The following SLC2A9 variants were observed in gnomAD, a reference collection of about 807,000 sequenced individuals.
SLC2A9 encodes the protein solute carrier family 2 member 9, also known as solute carrier family 2, facilitated glucose transporter member 9.
In SLC2A9, 39 loss-of-function variants were observed where a neutral mutation model predicts 50.6. That is an observed-to-expected ratio of 0.77 (90% CI 0.60 to 1.01). The LOEUF (loss-of-function observed/expected upper bound fraction) is 1.01. SLC2A9 is among the 50% of genes least tolerant of loss of function. The pLI, the probability that SLC2A9 is intolerant of heterozygous loss-of-function variation, is 0.00. For missense variants in SLC2A9, 686 were observed against 677.6 expected (o/e 1.01, Z -0.14); for synonymous variants, 324 against 276.9 (o/e 1.17, Z -1.69).
intron 7 of SLC2A9, among the ~76,000 whole-genome samples, chr4:9,912,244 A>G (rs1741975489): frequency 6.6e-6 from 1 of 152,176 alleles, no homozygotes; most frequent in African/African-American, 2.4e-5. Flanking sequence ...TACATATGTA[A>G]CAAACCTGCA....
chr4:9,831,891 G>A (rs937176648), intron 11 of SLC2A9, among the ~76,000 whole-genome samples: 9 of 152,168 alleles, frequency 5.9e-5, no homozygotes, highest in Admixed American at 2.6e-4. Context: ...CACTCCCTTC[G>A]GACCTCAGCA....
At chr4:9,782,233 C>A (rs780561302) in intron 3 of SLC2A9, 13 of 1,613,044 alleles carry the variant, frequency 8.1e-6, no homozygotes, top group Non-Finnish European at 1.0e-5. Context: ...TCGTGCGGAG[C>A]CGCCACCTGC....
chr4:9,963,892 A>G (rs1391128947), intron 5 of SLC2A9, among the ~76,000 whole-genome samples: 1 of 152,184 alleles, frequency 6.6e-6, no homozygotes, highest in Non-Finnish European at 1.5e-5. Flanking sequence ...GAGGTCTGGA[A>G]TGGGGCTGAG....
intron 8 of SLC2A9, among the ~76,000 whole-genome samples, chr4:9,898,911 C>T (rs1221575864): frequency 6.6e-6 from 1 of 151,710 alleles, no homozygotes; most frequent in Admixed American, 6.6e-5. Context: ...CGTTGAGCAA[C>T]CATTAATGGT....
At chr4:9,939,021 A>C (rs1202405820) in intron 6 of SLC2A9, among the ~76,000 whole-genome samples, 33 of 152,180 alleles carry the variant, frequency 2.2e-4, no homozygotes, top group Admixed American at 2.2e-3. Flanking sequence ...CTCTACCCTA[A>C]AACTTTGAAG....
chr4:9,845,432 T>C (rs1030106157), intron 10 of SLC2A9, among the ~76,000 whole-genome samples: 18 of 131,404 alleles, frequency 1.4e-4, no homozygotes, highest in East Asian at 6.2e-4. Context: ...AATTTCTTTT[T>C]TTTTTTTTTT....
intron 10 of SLC2A9, among the ~76,000 whole-genome samples, chr4:9,846,213 G>GA (rs1235118753): frequency 6.6e-6 from 1 of 152,212 alleles, no homozygotes; most frequent in Non-Finnish European, 1.5e-5. Flanking sequence ...TTGAGAATTT[G>GA]AAAATGCACA....
intron 2 of SLC2A9, among the ~76,000 whole-genome samples, chr4:10,000,838 T>C (rs1011341164): frequency 6.6e-6 from 1 of 152,094 alleles, no homozygotes; most frequent in Non-Finnish European, 1.5e-5. Flanking sequence ...CCTACGTGAG[T>C]GAATGGGACC....
chr4:10,013,774 T>C (rs941623270), intron 2 of SLC2A9, among the ~76,000 whole-genome samples: 4 of 152,186 alleles, frequency 2.6e-5, no homozygotes, highest in African/African-American at 9.7e-5. Context: ...CTGCCTGCCC[T>C]GAAGGTAAAT....
At chr4:9,869,023 T>C (rs1368232194) in intron 10 of SLC2A9, among the ~76,000 whole-genome samples, 1 of 152,216 alleles carries the variant, frequency 6.6e-6, no homozygotes, top group East Asian at 1.9e-4. Context: ...CTGATGTTTT[T>C]ATTTTAGTGT....
At chr4:9,943,162 T>A (rs1748506480) in intron 5 of SLC2A9, among the ~76,000 whole-genome samples, 1 of 152,050 alleles carries the variant, frequency 6.6e-6, no homozygotes, top group South Asian at 2.1e-4. Flanking sequence ...AGGTCCATGG[T>A]AACAGAGACT....
intron 8 of SLC2A9, among the ~76,000 whole-genome samples, chr4:9,907,180 T>C (rs1740834164): frequency 6.6e-6 from 1 of 152,234 alleles, no homozygotes; most frequent in South Asian, 2.1e-4. Context: ...TCTTTCCATT[T>C]GGAAGGGAGC....
intron 7 of SLC2A9, among the ~76,000 whole-genome samples, chr4:9,910,971 G>A (rs1391369341): frequency 6.6e-6 from 1 of 150,428 alleles, no homozygotes; most frequent in Non-Finnish European, 1.5e-5. Flanking sequence ...AAACAGAGAG[G>A]GGAACATCAT....
intron 5 of SLC2A9, among the ~76,000 whole-genome samples, chr4:9,968,323 C>T (rs887136332): frequency 6.6e-6 from 1 of 152,180 alleles, no homozygotes; most frequent in African/African-American, 2.4e-5. Context: ...GTTCATACTA[C>T]ATTGCCTTCT....
At chr4:9,924,997 G>A (rs910339597) in intron 6 of SLC2A9, among the ~76,000 whole-genome samples, 10 of 152,176 alleles carry the variant, frequency 6.6e-5, no homozygotes, top group Admixed American at 3.9e-4. Context: ...AATCTGTGCT[G>A]TCTTGCCCTT....
intron 5 of SLC2A9, among the ~76,000 whole-genome samples, chr4:9,966,320 G>C (rs1005326572): frequency 2.0e-5 from 3 of 152,156 alleles, no homozygotes; most frequent in African/African-American, 7.2e-5. Context: ...TAATGTAGAA[G>C]ATTATTCATC....
chr4:9,791,309 G>C (rs1178239177), intron 3 of SLC2A9, among the ~76,000 whole-genome samples: 3 of 152,212 alleles, frequency 2.0e-5, no homozygotes, highest in African/African-American at 7.2e-5. Context: ...GACAGATATA[G>C]AGCTAATCCA....
intron 2 of SLC2A9, among the ~76,000 whole-genome samples, chr4:10,015,963 T>C (rs1010031511): frequency 6.6e-6 from 1 of 152,200 alleles, no homozygotes; most frequent in Non-Finnish European, 1.5e-5. Flanking sequence ...GGGAAGTAGC[T>C]ACCCAACTGG....
chr4:9,919,725 T>G (rs1401770205), intron 7 of SLC2A9, among the ~76,000 whole-genome samples: 1 of 152,198 alleles, frequency 6.6e-6, no homozygotes, highest in Non-Finnish European at 1.5e-5. Flanking sequence ...ATTTGCACAC[T>G]TCCATAGATG....
Sources: allele counts gnomAD v4.1 joint callset (sites outside exome capture counted in the v4.1 genomes callset), GRCh38; gene constraint gnomAD v4.1.1; transcripts MANE v1.5; gene names NCBI Gene and HGNC (gene_info 2026-07-23, HGNC 2026-07-21).